Variants in ARHGEF28 observed in about 807,000 individuals in gnomAD.
ARHGEF28 encodes the protein Rho guanine nucleotide exchange factor 28, also known as 190 kDa guanine nucleotide exchange factor.
A neutral mutation model predicts 206.6 loss-of-function variants in ARHGEF28; 152 were observed. That is an observed-to-expected ratio of 0.74 (90% CI 0.64 to 0.84). The LOEUF is 0.84. Ranked by LOEUF, ARHGEF28 falls within the 40% of genes least tolerant of loss-of-function variation. The probability of loss-of-function intolerance (pLI) is 0.00; values close to 1 mark genes in which losing one functional copy is unlikely to be tolerated. For missense variants in ARHGEF28, 2,028 were observed against 2,073.2 expected (o/e 0.98, Z 0.42); for synonymous variants, 763 against 776.4 (o/e 0.98, Z 0.29).
At chr5:73,830,372 T>C (rs1282359372) in intron 9 of ARHGEF28, among the ~76,000 whole-genome samples, 1 of 151,754 alleles carries the variant, frequency 6.6e-6, no homozygotes, top group East Asian at 1.9e-4. Flanking sequence ...GCTAACACGG[T>C]GAAACCCCGT....
intron 35 of ARHGEF28, among the ~76,000 whole-genome samples, chr5:73,922,292 C>A (rs1356045227): frequency 1.3e-5 from 2 of 152,230 alleles, no homozygotes; most frequent in African/African-American, 4.8e-5. Context: ...GAATTTAGGG[C>A]AGTCACTTTC....
intron 18 of ARHGEF28, 60 bp downstream of exon 18, chr5:73,866,073 C>T: frequency 1.5e-6 from 2 of 1,297,618 alleles, no homozygotes; most frequent in Non-Finnish European, 2.1e-6. Context: ...ATACATTTTT[C>T]CATTATAAAA....
chr5:73,686,983 C>T (rs902634920), intron 2 of ARHGEF28, among the ~76,000 whole-genome samples: 2 of 152,100 alleles, frequency 1.3e-5, no homozygotes, highest in Admixed American at 6.5e-5. Flanking sequence ...TTTTTCTTCT[C>T]ATTTTAACAT....
intron 14 of ARHGEF28, among the ~76,000 whole-genome samples, 174 bp downstream of exon 14, chr5:73,852,866 C>T (rs544655016): frequency 6.6e-6 from 1 of 152,294 alleles, no homozygotes; most frequent in South Asian, 2.1e-4. Context: ...GCCAGCCCTC[C>T]CCTTTCAGTC....
intron 33 of ARHGEF28, among the ~76,000 whole-genome samples, chr5:73,906,382 G>A (rs1184070321): frequency 2.8e-4 from 42 of 152,120 alleles, no homozygotes; most frequent in Admixed American, 2.3e-3. Flanking sequence ...GAGACTATAG[G>A]CGTGTGCCAC....
At position 73,653,758 on chromosome 5, in the gene ARHGEF28, T is replaced by A. The variant is rs573081814; in HGVS notation, c.-12+27436T>A. ...TCAAAACTAAGCACAACATCCAGTC[T>A]CCTCTGGGCTTCCCCTACAGCTCCT... On this transcript the variant is annotated intron_variant, in intron 1 of 35. Coordinates refer to ENST00000513042, the MANE Select transcript of ARHGEF28 (RefSeq NM_001177693.2). 5.3e-5 allele frequency among the ~76,000 whole-genome samples: 8 copies of A among 152,322 alleles called. No individual in the cohort carries two copies. The East Asian group carries it at 1.5e-3, about 29-fold the overall frequency.
intron 1 of ARHGEF28, among the ~76,000 whole-genome samples, chr5:73,672,316 A>G (rs1422505038): frequency 2.0e-5 from 3 of 152,170 alleles, no homozygotes; most frequent in Non-Finnish European, 4.4e-5. Context: ...TGTTTCCTAA[A>G]GATAGCATGT....
chr5:73,807,526 C>G (rs1282380533), intron 9 of ARHGEF28, among the ~76,000 whole-genome samples: 1 of 150,350 alleles, frequency 6.7e-6, no homozygotes, highest in Non-Finnish European at 1.5e-5. Flanking sequence ...CTCTTCTTGC[C>G]CAGGCTGGAG....
chr5:73,780,798 A>T, intron 7 of ARHGEF28, 53 bp downstream of exon 7: 2 of 1,531,698 alleles, frequency 1.3e-6, no homozygotes, highest in Admixed American at 2.0e-5. Context: ...CTGGACCAAC[A>T]ATCTAACCAG....
intron 7 of ARHGEF28, among the ~76,000 whole-genome samples, chr5:73,782,428 A>G (rs1312730276): frequency 6.6e-6 from 1 of 151,860 alleles, no homozygotes; most frequent in African/African-American, 2.4e-5. Context: ...ACACAGTGAG[A>G]CTCCATCTCA....
At position 73,755,816 on chromosome 5, in the gene ARHGEF28, A is replaced by G. The variant is rs144248222; in HGVS notation, c.475+2614A>G. ...CATTTTCATTGCTATTTGGGGATAC[A>G]TTCTTGTTTGCCAGGCTTTTAGCTG... On this transcript the variant is annotated intron_variant, in intron 4 of 35. Coordinates refer to ENST00000513042, the MANE Select transcript of ARHGEF28 (RefSeq NM_001177693.2). Among the ~76,000 whole-genome samples, 767 of 152,268 alleles carry G rather than the reference A, an allele frequency of 5.0e-3. 7 individuals carry two copies. The highest frequency in any genetic ancestry group is 0.017 in the African/African-American group (725 of 41,566).
At chr5:73,821,162 A>G (rs1245614046) in intron 9 of ARHGEF28, among the ~76,000 whole-genome samples, 3 of 152,118 alleles carry the variant, frequency 2.0e-5, no homozygotes, top group African/African-American at 7.2e-5. Flanking sequence ...GGATAATGAA[A>G]CAGGATTCAG....
intron 2 of ARHGEF28, among the ~76,000 whole-genome samples, chr5:73,743,324 T>C (rs2112381795): frequency 6.6e-6 from 1 of 152,332 alleles, no homozygotes; most frequent in South Asian, 2.1e-4. Context: ...TGAGTGGTTC[T>C]CCTCTCTGGT....
Position 73,773,851 on chromosome 5 carries a change from T to C in ARHGEF28, c.476-4T>C. On this transcript the variant is annotated splice_polypyrimidine_tract_variant and splice_region_variant and intron_variant, in intron 4 of 35. Coordinates refer to ENST00000513042, the MANE Select transcript of ARHGEF28 (RefSeq NM_001177693.2). ...TAATATGGTATGTGTTTTTTCCTCTTCAGTATCTTCTCACAGAGAATCTCT... is the reference window on the plus strand; with the variant it reads ...TAATATGGTATGTGTTTTTTCCTCTCCAGTATCTTCTCACAGAGAATCTCT... 1 of 1,589,470 alleles carries C rather than the reference T, an allele frequency of 6.3e-7. No homozygotes were observed. The highest frequency in any genetic ancestry group is 8.6e-7 in the Non-Finnish European group (1 of 1,168,476).
At position 73,909,441 on chromosome 5, in the gene ARHGEF28, T is replaced by A. The variant is rs1314533551; in HGVS notation, c.4191T>A (p.Ile1397=). The A allele has an allele frequency of 1.9e-6, 3 of 1,611,716 alleles. No individual in the cohort carries two copies. The highest frequency in any genetic ancestry group is 1.1e-5 in the South Asian group (1 of 90,852). ...QAALTIQDSH[I]EIHRLVLQQQ... is the part of the protein sequence containing the mutation. Reference sequence around the variant, plus strand: ...CCTTGACCATTCAGGACAGCCACATTGAGATCCACAGGCTGGTTCTCCAGC... The same window carrying A: ...CCTTGACCATTCAGGACAGCCACATAGAGATCCACAGGCTGGTTCTCCAGC... The change falls in exon 34 of 36, where the codon ATT becomes ATA. Residue 1397 remains isoleucine (I), a synonymous_variant. Transcript: ENST00000513042.
intron 22 of ARHGEF28, among the ~76,000 whole-genome samples, chr5:73,875,960 GT>G (rs1371313052): frequency 2.0e-5 from 3 of 151,842 alleles, no homozygotes; most frequent in Non-Finnish European, 4.4e-5. Context: ...TGTGAAGAAA[GT>G]CATTGCTAGC....
At chr5:73,825,238 C>T (rs1015756824) in intron 9 of ARHGEF28, among the ~76,000 whole-genome samples, 5 of 152,114 alleles carry the variant, frequency 3.3e-5, no homozygotes, top group East Asian at 1.9e-4. Context: ...CAAGGGTTGG[C>T]GGTTGCCATT....
At chr5:73,823,024 C>T (rs1756690596) in intron 9 of ARHGEF28, among the ~76,000 whole-genome samples, 1 of 152,174 alleles carries the variant, frequency 6.6e-6, no homozygotes, top group Non-Finnish European at 1.5e-5. Flanking sequence ...AACTTCAGAA[C>T]TTGGTGAAGG....
At chr5:73,834,957 A>G (rs1486807381) in intron 10 of ARHGEF28, 1 of 152,136 alleles carries the variant, frequency 6.6e-6, no homozygotes, top group Non-Finnish European at 1.5e-5. Context: ...CTCCAAAGTG[A>G]TAGTCTTTTG....
Sources: gnomAD v4.1 joint callset for allele counts (sites outside exome capture counted in the v4.1 genomes callset) on GRCh38, gnomAD v4.1.1 for gene constraint, MANE v1.5 for transcripts, NCBI Gene and HGNC (gene_info 2026-07-23, HGNC 2026-07-21) for gene names.